SCAF8: variants seen among roughly 807,000 people sequenced by gnomAD.
SCAF8 encodes the protein SR-related CTD associated factor 8, also known as SR-related and CTD-associated factor 8.
Under a neutral mutation model 140.5 loss-of-function variants are expected in SCAF8, and 23 were observed. The ratio of observed to expected loss-of-function variants is 0.16; its 90% CI spans 0.12 to 0.23. The LOEUF (loss-of-function observed/expected upper bound fraction) is 0.23, where lower values mean the gene tolerates loss of function less well. Ranked by LOEUF, SCAF8 falls within the 10% of genes least tolerant of loss-of-function variation. The pLI is 1.00. For synonymous variants in SCAF8, 575 were observed against 528.9 expected, an observed-to-expected ratio of 1.09 and a Z score of -1.20; for missense variants, 1,397 against 1,555.7, an observed-to-expected ratio of 0.90 and a Z score of 1.72.
intron 11 of SCAF8, among the ~76,000 whole-genome samples, chr6:154,809,658 A>G (rs1778029451): frequency 6.6e-6 from 1 of 152,202 alleles, no homozygotes; most frequent in African/African-American, 2.4e-5. Context: ...GTAGTGGCCT[A>G]ATGCTCTGAC....
At chr6:154,737,526 A>T (rs150719472) in intron 1 of SCAF8, among the ~76,000 whole-genome samples, 41 of 152,060 alleles carry the variant, frequency 2.7e-4, no homozygotes, top group African/African-American at 9.9e-4. Flanking sequence ...AACAACAACA[A>T]CAACACAAAT....
At chr6:154,779,029 T>G (rs1446287415) in intron 3 of SCAF8, among the ~76,000 whole-genome samples, 2 of 152,062 alleles carry the variant, frequency 1.3e-5, no homozygotes, top group East Asian at 3.9e-4. Context: ...TGTTTTGTTT[T>G]GGTTTTTTTG....
intron 9 of SCAF8, among the ~76,000 whole-genome samples, chr6:154,807,831 A>G (rs978275893): frequency 2.0e-5 from 3 of 152,202 alleles, no homozygotes; most frequent in African/African-American, 7.2e-5. Flanking sequence ...ACTTGATTTT[A>G]CCATTTTAAT....
intron 1 of SCAF8, among the ~76,000 whole-genome samples, chr6:154,752,383 C>A (rs1778858569): frequency 6.6e-6 from 1 of 152,062 alleles, no homozygotes; most frequent in Non-Finnish European, 1.5e-5. Context: ...TGGTATATTT[C>A]CTGACTACCT....
chr6:154,807,447 C>T (rs1583053593), intron 9 of SCAF8, among the ~76,000 whole-genome samples: 1 of 152,224 alleles, frequency 6.6e-6, no homozygotes, highest in East Asian at 1.9e-4. Context: ...GAATGCAGAT[C>T]TCGGCTCACT....
At chr6:154,823,651 T>C (rs1358806167) in intron 16 of SCAF8, among the ~76,000 whole-genome samples, 1 of 152,156 alleles carries the variant, frequency 6.6e-6, no homozygotes, top group African/African-American at 2.4e-5. Context: ...GAAGAGTTCT[T>C]TTGGGAAGGA....
chr6:154,739,693 C>T (rs1002948633), intron 1 of SCAF8, among the ~76,000 whole-genome samples: 8 of 152,238 alleles, frequency 5.3e-5, no homozygotes, highest in African/African-American at 1.9e-4. Context: ...TTAAACTGTT[C>T]CAGGATGCAG....
At chr6:154,815,839 T>C in intron 13 of SCAF8, 23 bp downstream of exon 13, 1 of 1,483,398 alleles carries the variant, frequency 6.7e-7, no homozygotes, top group South Asian at 1.1e-5. Context: ...TCTTAATAAT[T>C]TAAGGTTTTA....
intron 4 of SCAF8, among the ~76,000 whole-genome samples, chr6:154,790,612 G>A (rs747519066): frequency 5.0e-5 from 7 of 141,116 alleles, no homozygotes; most frequent in South Asian, 2.3e-4. Flanking sequence ...CTGGGTTCAC[G>A]CCATTCTCTT....
rs189975910 is a variant in SCAF8 at position 154,803,366 on chromosome 6, T to C, written c.784-178T>C. Among the ~76,000 whole-genome samples, 219 of 152,304 alleles carry C rather than the reference T, an allele frequency of 1.4e-3. 1 individual carries two copies. Among genetic ancestry groups the C allele is most frequent in the Non-Finnish European group, 2.6e-3 (178 of 68,016 alleles). On this transcript the variant is annotated intron_variant, in intron 7 of 19. Transcript: ENST00000367178. ...TTATGTAAGATAATACATATCAAAA[T>C]GCTTTAAAGAAAAGATCTACTCAAA...
At chr6:154,781,521 G>A (rs1264313586) in intron 3 of SCAF8, among the ~76,000 whole-genome samples, 3 of 152,218 alleles carry the variant, frequency 2.0e-5, no homozygotes, top group Non-Finnish European at 4.4e-5. Context: ...AAAAGGGCCT[G>A]TATAGCGAAG....
chr6:154,746,153 T>G (rs964573266), intron 1 of SCAF8, among the ~76,000 whole-genome samples: 1 of 152,226 alleles, frequency 6.6e-6, no homozygotes, highest in African/African-American at 2.4e-5. Context: ...CCCAAAGTGC[T>G]GGGATTACAG....
intron 1 of SCAF8, among the ~76,000 whole-genome samples, chr6:154,770,410 T>A (rs1406768530): frequency 6.6e-6 from 1 of 150,682 alleles, no homozygotes; most frequent in African/African-American, 2.5e-5. Flanking sequence ...TCTCTCTCTC[T>A]CTCTCTCTCT....
chr6:154,773,232 C>T (rs1231594628), intron 1 of SCAF8, among the ~76,000 whole-genome samples: 3 of 152,180 alleles, frequency 2.0e-5, no homozygotes, highest in Admixed American at 6.5e-5. Context: ...CATTTATCTC[C>T]AGCTCTTTCA....
At chr6:154,794,929 A>G in intron 5 of SCAF8, 80 bp from the exon 6 acceptor site, 3 of 1,332,834 alleles carry the variant, frequency 2.3e-6, no homozygotes, top group Non-Finnish European at 2.1e-6. Flanking sequence ...TAAAAGTAAT[A>G]AAACAAGTTA....
At chr6:154,831,487 G>A (rs1187084286) in intron 19 of SCAF8, among the ~76,000 whole-genome samples, 2 of 151,532 alleles carry the variant, frequency 1.3e-5, no homozygotes, top group East Asian at 1.9e-4. Flanking sequence ...AACTTCTATC[G>A]GGAACTTACT....
At chr6:154,808,271 C>G in intron 10 of SCAF8, 70 bp downstream of exon 10, 1 of 1,383,364 alleles carries the variant, frequency 7.2e-7, no homozygotes, top group African/African-American at 1.4e-5. Context: ...ATATTTTATA[C>G]TAGCAGTGCC....
At chr6:154,767,529 C>CTTTTTTTTT (rs71021076) in intron 1 of SCAF8, among the ~76,000 whole-genome samples, 1 of 91,036 alleles carries the variant, frequency 1.1e-5, no homozygotes, top group Non-Finnish European at 2.2e-5. Context: ...CTTCTGTTAT[C>CTTTTTTTTT]TTTTTTTTTT....
Position 154,777,992 on chromosome 6 carries a change from C to T in SCAF8, c.115-9C>T, listed in dbSNP as rs1381401562. 6.7e-7 allele frequency: 1 copy of T among 1,483,832 alleles called. No individual in the cohort carries two copies. The highest frequency in any genetic ancestry group is 9.4e-7 in the Non-Finnish European group (1 of 1,069,268). The allele number at this position is 1,483,832 out of a possible 1,614,324, so 91.9% of individuals were successfully genotyped here. ...TTTAAAACCATACTTCATTTTTTTC[C>T]TCTTTTAGTTCTATAAACATGTGGT... On this transcript the variant is annotated splice_polypyrimidine_tract_variant and intron_variant, in intron 2 of 19. Transcript: ENST00000367178.
Sources: gnomAD v4.1 joint callset for allele counts (sites outside exome capture counted in the v4.1 genomes callset) on GRCh38, gnomAD v4.1.1 for gene constraint, MANE v1.5 for transcripts, NCBI Gene and HGNC (gene_info 2026-07-23, HGNC 2026-07-21) for gene names.